Variants in DCDC2C observed in about 807,000 individuals in gnomAD.
DCDC2C encodes the protein doublecortin domain-containing protein 2C.
DCDC2C carries 44 observed loss-of-function variants against 45.0 expected under a neutral mutation model. That is an observed-to-expected ratio of 0.98 (90% CI 0.77 to 1.26). The LOEUF (loss-of-function observed/expected upper bound fraction) is 1.26, where lower values mean the gene tolerates loss of function less well. DCDC2C is among the 50% of genes most tolerant of loss of function. The pLI is 0.00. For synonymous variants in DCDC2C, 187 were observed against 178.8 expected (o/e 1.05, Z -0.37); for missense variants, 447 against 468.9 (o/e 0.95, Z 0.43).
chr2:3,836,739 G>A (rs968277132), intron 10 of DCDC2C, among the ~76,000 whole-genome samples: 35 of 152,156 alleles, frequency 2.3e-4, no homozygotes, highest in African/African-American at 8.4e-4. Flanking sequence ...GCGGGCACCT[G>A]TAGTCCCAGC....
intron 10 of DCDC2C, among the ~76,000 whole-genome samples, chr2:3,825,703 G>A (rs1355474069): frequency 1.3e-5 from 2 of 152,152 alleles, no homozygotes; most frequent in African/African-American, 4.8e-5. Flanking sequence ...GACTAGCAGA[G>A]CTTATTTAGA....
At chr2:3,834,662 A>G (rs1672032008) in intron 10 of DCDC2C, among the ~76,000 whole-genome samples, 1 of 152,202 alleles carries the variant, frequency 6.6e-6, no homozygotes, top group East Asian at 1.9e-4. Context: ...AACTTAACCT[A>G]GTATTTAAGA....
intron 1 of DCDC2C, 199 bp downstream of exon 1, chr2:3,704,237 G>A (rs1448693380): frequency 4.5e-6 from 2 of 441,584 alleles, no homozygotes; most frequent in Non-Finnish European, 7.4e-6. Flanking sequence ...AGCCGAGGCA[G>A]CCCCGCCCCC....
Position 3,703,686 on chromosome 2 carries a change from T to C in DCDC2C, c.-66T>C, listed in dbSNP as rs1667936376. ...CGGTGCCCGGGCCTGGGCGCGGCTC[T>C]GCAGGCGTCGCTGCCCGCGCTGCCG... On this transcript the variant is annotated 5_prime_UTR_variant, in exon 1 of 11. Coordinates refer to ENST00000399143, the MANE Select transcript of DCDC2C (RefSeq NM_001287444.2). This position sits in a 1 kb window ranked among gnomAD's most constrained non-coding sequence, Gnocchi z 4.4. The C allele has an allele frequency of 1.6e-6, 2 of 1,215,928 alleles. No homozygotes were observed. The highest frequency in any genetic ancestry group is 8.3e-5 in the South Asian group (2 of 24,214). 75.3% of individuals were successfully genotyped at this position (1,215,928 alleles called of 1,614,324 possible).
intron 6 of DCDC2C, among the ~76,000 whole-genome samples, chr2:3,755,988 A>G (rs1234318557): frequency 6.6e-6 from 1 of 151,914 alleles, no homozygotes; most frequent in Non-Finnish European, 1.5e-5. Flanking sequence ...ATGGGTATTC[A>G]TATGGAAACA....
intron 7 of DCDC2C, among the ~76,000 whole-genome samples, chr2:3,768,721 C>T (rs1461554448): frequency 6.6e-6 from 1 of 152,060 alleles, no homozygotes; most frequent in African/African-American, 2.4e-5. Context: ...CTACAGGCAC[C>T]TCTCACCACA....
rs1667931905 is a variant in DCDC2C, at chr2:3,703,612, C to G, written c.-140C>G. 21 of 842,780 alleles carry G rather than the reference C, an allele frequency of 2.5e-5. No individual in the cohort carries two copies. The East Asian group carries it at 7.9e-4, about 32-fold the overall frequency. 52.2% of individuals were successfully genotyped at this position (842,780 alleles called of 1,614,324 possible). On this transcript the variant is annotated 5_prime_UTR_variant, in exon 1 of 11. Coordinates refer to ENST00000399143, the MANE Select transcript of DCDC2C (RefSeq NM_001287444.2). The surrounding 1 kb of genome is among the most constrained non-coding windows in gnomAD (Gnocchi z 4.4). ...TCCCCGTCCAGCCCCCGTCCCGTCC[C>G]CGTCCCGTCCCCGTCCTGCGCCAGC...
chr2:3,758,236 C>A (rs1010747609), intron 6 of DCDC2C, among the ~76,000 whole-genome samples: 3 of 152,172 alleles, frequency 2.0e-5, no homozygotes, highest in African/African-American at 7.2e-5. Flanking sequence ...ATCCCGACAT[C>A]CCTGGAACAG....
chr2:3,781,674 A>G (rs1670511540), intron 9 of DCDC2C, among the ~76,000 whole-genome samples: 1 of 152,160 alleles, frequency 6.6e-6, no homozygotes, highest in African/African-American at 2.4e-5. Flanking sequence ...AGCCTGAGAA[A>G]CATAGTGAGA....
At chr2:3,769,482 A>C in intron 8 of DCDC2C, 71 bp downstream of exon 8, 2 of 1,352,864 alleles carry the variant, frequency 1.5e-6, no homozygotes. Flanking sequence ...CCTCAGCGTC[A>C]TCCTTCACCC....
intron 10 of DCDC2C, among the ~76,000 whole-genome samples, chr2:3,795,574 C>G (rs1236202215): frequency 8.4e-6 from 1 of 118,898 alleles, no homozygotes; most frequent in African/African-American, 3.5e-5. Flanking sequence ...CCAGTTTCAG[C>G]TTTCTACATA....
chr2:3,772,603 G>A (rs12463627), intron 8 of DCDC2C, among the ~76,000 whole-genome samples: 15,408 of 152,226 alleles, frequency 0.1, 1,065 homozygotes, highest in East Asian at 0.3. Context: ...CATTGGGGGC[G>A]CTGGGTGTTG....
At chr2:3,719,375 G>A (rs556898370) in intron 2 of DCDC2C, among the ~76,000 whole-genome samples, 12 of 152,250 alleles carry the variant, frequency 7.9e-5, no homozygotes, top group African/African-American at 2.4e-4. Context: ...GTGAGCCACC[G>A]TGCCCAGCCA....
Position 3,742,020 on chromosome 2 carries a change from A to G in DCDC2C, c.517A>G (p.Lys173Glu). ...WDIVLATIGE[K>E]VFPLGGVRKL... is the part of the protein sequence containing the mutation. ...CATCGTGCTGGCCACGATCGGAGAA[A>G]AAGTCTTCCCTCTAGGAGGCGTTCG... is the stretch of plus-strand genomic sequence containing the variant. The change falls in exon 4 of 11, where the codon AAA becomes GAA. Residue 173 changes from lysine (K) to glutamate (E), a missense_variant. Coordinates refer to ENST00000399143, the MANE Select transcript of DCDC2C (RefSeq NM_001287444.2). The G allele has an allele frequency of 6.5e-7, 1 of 1,547,938 alleles. No homozygotes were observed. Among genetic ancestry groups the G allele is most frequent in the Non-Finnish European group, 8.7e-7 (1 of 1,146,036 alleles).
intron 10 of DCDC2C, among the ~76,000 whole-genome samples, chr2:3,825,205 C>G (rs148304336): frequency 6.6e-6 from 1 of 152,222 alleles, no homozygotes; most frequent in Non-Finnish European, 1.5e-5. Flanking sequence ...AGAAAATACC[C>G]TGGGAGTCAG....
chr2:3,709,724 A>T (rs1283912491), intron 2 of DCDC2C, among the ~76,000 whole-genome samples: 1 of 152,180 alleles, frequency 6.6e-6, no homozygotes, highest in Non-Finnish European at 1.5e-5. Flanking sequence ...TGGGAGCAGG[A>T]TTAAGCAACA....
intron 10 of DCDC2C, among the ~76,000 whole-genome samples, chr2:3,829,112 A>G (rs1413843951): frequency 6.6e-6 from 1 of 152,138 alleles, no homozygotes; most frequent in East Asian, 1.9e-4. Flanking sequence ...GTCACGCTGC[A>G]CAGGGCCTGT....
At chr2:3,827,872 G>T (rs377739687) in intron 10 of DCDC2C, among the ~76,000 whole-genome samples, 20 of 152,210 alleles carry the variant, frequency 1.3e-4, no homozygotes, top group African/African-American at 4.8e-4. Flanking sequence ...CAATAAGTCT[G>T]ATGGGTGTCC....
intron 10 of DCDC2C, among the ~76,000 whole-genome samples, chr2:3,820,387 T>A (rs1316747649): frequency 6.6e-6 from 1 of 152,012 alleles, no homozygotes; most frequent in Non-Finnish European, 1.5e-5. Flanking sequence ...AAGTTGCCCA[T>A]AATGAAGCAG....
Sources: allele counts gnomAD v4.1 joint callset (sites outside exome capture counted in the v4.1 genomes callset), GRCh38; gene constraint gnomAD v4.1.1; non-coding constraint Gnocchi (gnomAD v3.1); transcripts MANE v1.5; gene names NCBI Gene and HGNC (gene_info 2026-07-23, HGNC 2026-07-21).